RHPN2: variants seen among roughly 807,000 people sequenced by gnomAD.
The protein encoded by RHPN2 is rhophilin Rho GTPase binding protein 2.
RHPN2 carries 40 observed loss-of-function variants against 79.0 expected under a neutral mutation model. That is an observed-to-expected ratio of 0.51 (90% confidence interval 0.39 to 0.66). The LOEUF is 0.66. Among genes scored for constraint, RHPN2 ranks in the 30% least tolerant of loss-of-function variants. The pLI is 0.00. For synonymous variants in RHPN2, 285 were observed against 363.5 expected, an observed-to-expected ratio of 0.78 and a Z score of 2.46; for missense variants, 686 against 883.5, an observed-to-expected ratio of 0.78 and a Z score of 2.83.
intron 2 of RHPN2, among the ~76,000 whole-genome samples, chr19:33,030,934 G>A (rs1012195200): frequency 6.6e-6 from 1 of 152,156 alleles, no homozygotes; most frequent in African/African-American, 2.4e-5. Flanking sequence ...GGATACTTGT[G>A]CTTCTGACTG....
chr19:32,994,839 T>TA (rs774855752), intron 11 of RHPN2, among the ~76,000 whole-genome samples: 12 of 151,990 alleles, frequency 7.9e-5, no homozygotes, highest in Non-Finnish European at 1.3e-4. Flanking sequence ...GGCATGCGCC[T>TA]ATAGTCCCAG....
At chr19:33,054,325 C>A (rs1237362288) in intron 1 of RHPN2, among the ~76,000 whole-genome samples, 1 of 151,724 alleles carries the variant, frequency 6.6e-6, no homozygotes, top group Non-Finnish European at 1.5e-5. Flanking sequence ...CTCAGCCTCC[C>A]GAGTAGCTGG....
At chr19:33,062,307 A>C (rs1219705418) in intron 1 of RHPN2, among the ~76,000 whole-genome samples, 3 of 151,978 alleles carry the variant, frequency 2.0e-5, no homozygotes, top group Non-Finnish European at 4.4e-5. Flanking sequence ...CTAAAAATAC[A>C]AAAGTTAGCC....
intron 4 of RHPN2, among the ~76,000 whole-genome samples, chr19:33,015,883 T>C (rs1307810414): frequency 6.6e-6 from 1 of 151,912 alleles, no homozygotes; most frequent in Non-Finnish European, 1.5e-5. Context: ...ACCCTGTCTC[T>C]ACTAAAAATA....
intron 4 of RHPN2, 24 bp downstream of exon 4, chr19:33,021,547 G>C (rs1971923670): frequency 6.3e-7 from 1 of 1,594,486 alleles, no homozygotes; most frequent in African/African-American, 1.3e-5. Context: ...CACTGAGTCT[G>C]GTGCCCATGG....
chr19:33,064,527 C>T lies in RHPN2; in HGVS notation c.69+257G>A, dbSNP rs1489531979. Among the ~76,000 whole-genome samples the T allele has an allele frequency of 8.5e-5, 13 of 152,278 alleles. No individual in the cohort carries two copies. In the South Asian group the frequency reaches 2.1e-3, roughly 24 times the overall value. Reference sequence around the variant, plus strand: ...CAAGCACCCCTCCAGGTCCTCCGCCCGCACCTGCGCGGAGCGGCCACATGC... The same window carrying T: ...CAAGCACCCCTCCAGGTCCTCCGCCTGCACCTGCGCGGAGCGGCCACATGC... On this transcript the variant is annotated intron_variant, in intron 1 of 14. Transcript: ENST00000254260.
chr19:33,013,116 T>TC (rs1200775624), intron 4 of RHPN2, among the ~76,000 whole-genome samples: 2 of 150,820 alleles, frequency 1.3e-5, no homozygotes, highest in Non-Finnish European at 2.9e-5. Flanking sequence ...CCTCAGGTGA[T>TC]CCCCCCACCT....
intron 1 of RHPN2, among the ~76,000 whole-genome samples, chr19:33,062,589 G>C (rs898253452): frequency 1.1e-4 from 17 of 151,822 alleles, no homozygotes; most frequent in Non-Finnish European, 1.6e-4. Flanking sequence ...GGGCAACACG[G>C]TGAAACCCCG....
intron 14 of RHPN2, among the ~76,000 whole-genome samples, chr19:32,985,526 A>G (rs1971607414): frequency 6.6e-6 from 1 of 152,158 alleles, no homozygotes; most frequent in African/African-American, 2.4e-5. Flanking sequence ...AGTCCTAGCT[A>G]CTCAGGAAGC....
At chr19:32,982,586 A>C (rs1206834177) in intron 14 of RHPN2, among the ~76,000 whole-genome samples, 1 of 152,124 alleles carries the variant, frequency 6.6e-6, no homozygotes, top group African/African-American at 2.4e-5. Flanking sequence ...CATTTAAAAC[A>C]ATAATAAAAC....
In RHPN2 at chr19:33,007,842, C is replaced by T. The variant is rs559666619; in HGVS notation, c.760+172G>A. Among the ~76,000 whole-genome samples, 30 of 151,568 alleles carry T rather than the reference C, an allele frequency of 2.0e-4. 1 individual carries two copies. In the South Asian group the frequency reaches 6.0e-3, roughly 31 times the overall value. On this transcript the variant is annotated intron_variant, in intron 7 of 14. Coordinates refer to ENST00000254260, the MANE Select transcript of RHPN2 (RefSeq NM_033103.5). The stretch of plus-strand genomic sequence containing the variant: ...CCTCCCGAAGTGCTGGGATTACAGG[C>T]GTGAGCCACCGCGCCCGGCCGGAGC...
chr19:33,040,440 A>G (rs928919295), intron 2 of RHPN2, among the ~76,000 whole-genome samples: 3 of 151,828 alleles, frequency 2.0e-5, no homozygotes, highest in Admixed American at 2.0e-4. Flanking sequence ...GGGTTTCACC[A>G]TGTTGGCCAG....
chr19:33,002,063 C>T (rs1227250828), intron 9 of RHPN2, among the ~76,000 whole-genome samples, 184 bp downstream of exon 9: 1 of 152,170 alleles, frequency 6.6e-6, no homozygotes, highest in Non-Finnish European at 1.5e-5. Flanking sequence ...TCTAAAGAAG[C>T]TTATAACCCC....
At chr19:32,998,834 A>G (rs1240149878) in intron 10 of RHPN2, among the ~76,000 whole-genome samples, 1 of 89,642 alleles carries the variant, frequency 1.1e-5, no homozygotes, top group African/African-American at 4.4e-5. Flanking sequence ...GGGTGAGGGG[A>G]GGAGAGGAAG....
chr19:32,980,038 G>A lies in RHPN2; in HGVS notation c.2019C>T (p.Pro673=), dbSNP rs1971560986. 2 of 1,613,768 alleles carry A rather than the reference G, an allele frequency of 1.2e-6. No individual in the cohort carries two copies. The highest frequency in any genetic ancestry group is 1.7e-6 in the Non-Finnish European group (2 of 1,179,844). The change falls in exon 15 of 15, where the codon CCC becomes CCT. Residue 673 remains proline, a synonymous_variant. Transcript: ENST00000254260. ...CTGAGTTGAGAAGGCTGAAAGGGGA[G>A]GGCAGCTTCTTCTTGACCTGAGGCC... ...AARPQVKKKL[P]SPFSLLNSDS... is the part of the protein sequence containing the mutation.
chr19:33,055,709 G>C (rs1337725869), intron 1 of RHPN2, among the ~76,000 whole-genome samples: 1 of 146,870 alleles, frequency 6.8e-6, no homozygotes, highest in East Asian at 2.1e-4. Context: ...CTTGCAGAGA[G>C]AAGACTGCAA....
At chr19:33,035,372 G>A (rs1972047934) in intron 2 of RHPN2, among the ~76,000 whole-genome samples, 1 of 152,200 alleles carries the variant, frequency 6.6e-6, no homozygotes, top group South Asian at 2.1e-4. Flanking sequence ...AAAGTGCTGG[G>A]ATTACAGGCT....
At chr19:32,999,777 C>A in intron 9 of RHPN2, 72 bp from the exon 10 acceptor site, 1 of 1,584,978 alleles carries the variant, frequency 6.3e-7, no homozygotes, top group Non-Finnish European at 8.6e-7. Context: ...ATTTCTCTAC[C>A]ATGTCTCCAG....
At chr19:33,053,498 A>G (rs1277826591) in intron 1 of RHPN2, among the ~76,000 whole-genome samples, 1 of 146,808 alleles carries the variant, frequency 6.8e-6, no homozygotes, top group East Asian at 2.0e-4. Flanking sequence ...ATCTTGGCTC[A>G]CTACAACCTC....
Sources: gnomAD v4.1 joint callset for allele counts (sites outside exome capture counted in the v4.1 genomes callset) on GRCh38, gnomAD v4.1.1 for gene constraint, MANE v1.5 for transcripts, NCBI Gene and HGNC (gene_info 2026-07-23, HGNC 2026-07-21) for gene names.